PKIG: variants seen among roughly 807,000 people sequenced by gnomAD.
PKIG encodes the protein protein kinase (cAMP-dependent, catalytic) inhibitor gamma.
Under a neutral mutation model 6.8 loss-of-function variants are expected in PKIG, and 1 was observed. The ratio of observed to expected loss-of-function variants is 0.15; its 90% CI spans 0.05 to 0.69. The LOEUF (loss-of-function observed/expected upper bound fraction) is 0.69, where lower values mean the gene tolerates loss of function less well. PKIG is among the 30% of genes least tolerant of loss of function. The pLI is 0.82. For missense variants in PKIG, 77 were observed against 104.0 expected, an observed-to-expected ratio of 0.74 and a Z score of 1.13; for synonymous variants, 39 against 43.0, an observed-to-expected ratio of 0.91 and a Z score of 0.36.
chr20:44,603,005 T>G (rs992260745), intron 2 of PKIG, among the ~76,000 whole-genome samples: 3 of 152,164 alleles, frequency 2.0e-5, no homozygotes. Context: ...GGGCCGCACA[T>G]TCTTTGCTCT....
intron 1 of PKIG, among the ~76,000 whole-genome samples, chr20:44,575,732 A>C (rs1481761259): frequency 6.6e-6 from 1 of 152,162 alleles, no homozygotes; most frequent in Non-Finnish European, 1.5e-5. Flanking sequence ...TAGGCAGTTC[A>C]TTCAATTTAT....
At chr20:44,588,092 C>T (rs73113335) in intron 1 of PKIG, among the ~76,000 whole-genome samples, 1,626 of 152,252 alleles carry the variant, frequency 0.011, 12 homozygotes, top group Non-Finnish European at 0.017. Context: ...CTGTAGAAAG[C>T]CTAAGAGATT....
intron 1 of PKIG, among the ~76,000 whole-genome samples, chr20:44,557,384 G>T (rs1390830097): frequency 6.6e-6 from 1 of 151,856 alleles, no homozygotes; most frequent in African/African-American, 2.4e-5. Context: ...AAAATTAGCT[G>T]GTGTGGTGGC....
At chr20:44,610,873 AT>A (rs1359729348) in intron 2 of PKIG, among the ~76,000 whole-genome samples, 12 of 145,774 alleles carry the variant, frequency 8.2e-5, no homozygotes, top group East Asian at 2.0e-4. Context: ...TTTCTTTATT[AT>A]TTTTTTTTTA....
At chr20:44,583,556 G>T (rs978299818) in intron 1 of PKIG, among the ~76,000 whole-genome samples, 1 of 152,130 alleles carries the variant, frequency 6.6e-6, no homozygotes, top group African/African-American at 2.4e-5. Context: ...AACAGGGGAG[G>T]TGTCCCCTCT....
At chr20:44,541,356 A>G (rs1047111777) in intron 1 of PKIG, among the ~76,000 whole-genome samples, 3 of 152,096 alleles carry the variant, frequency 2.0e-5, no homozygotes, top group African/African-American at 4.8e-5. Flanking sequence ...TGGTGCAACC[A>G]TAGTTCATTG....
chr20:44,563,822 C>T (rs756682250), intron 1 of PKIG, among the ~76,000 whole-genome samples: 3 of 152,128 alleles, frequency 2.0e-5, no homozygotes, highest in Non-Finnish European at 4.4e-5. Context: ...TGAGCCACTG[C>T]ACCTGGCTGT....
intron 1 of PKIG, among the ~76,000 whole-genome samples, chr20:44,547,731 A>G (rs1188994068): frequency 1.3e-5 from 2 of 152,178 alleles, no homozygotes; most frequent in East Asian, 3.8e-4. Flanking sequence ...GGGAATAGTA[A>G]TAACATCTTA....
At chr20:44,558,735 C>T (rs1480279000) in intron 1 of PKIG, among the ~76,000 whole-genome samples, 3 of 144,600 alleles carry the variant, frequency 2.1e-5, no homozygotes, top group African/African-American at 7.7e-5. Context: ...CCTTCCTTCC[C>T]TTCCTTCCTT....
intron 1 of PKIG, among the ~76,000 whole-genome samples, chr20:44,549,820 T>C (rs2064651466): frequency 6.6e-6 from 1 of 152,150 alleles, no homozygotes; most frequent in African/African-American, 2.4e-5. Flanking sequence ...ATGAGATCTT[T>C]TCTCAAAAGA....
chr20:44,563,938 T>C (rs1007344946), intron 1 of PKIG, among the ~76,000 whole-genome samples: 1 of 152,252 alleles, frequency 6.6e-6, no homozygotes, highest in African/African-American at 2.4e-5. Flanking sequence ...TTTATTTTGC[T>C]GATCATGCTT....
chr20:44,600,293 A>G lies in PKIG; in HGVS notation c.-24+10427A>G, dbSNP rs554471294. On this transcript the variant is annotated intron_variant, in intron 2 of 3. Coordinates refer to ENST00000372886, the MANE Select transcript of PKIG (RefSeq NM_001281445.2). ...ATGCAGGGCTTCAGGGACTGGCATCAGGAGAGTGGATTTCACTAGATGTGA... is the reference window on the plus strand; with the variant it reads ...ATGCAGGGCTTCAGGGACTGGCATCGGGAGAGTGGATTTCACTAGATGTGA... Among the ~76,000 whole-genome samples, 4 of 152,346 alleles carry G rather than the reference A, an allele frequency of 2.6e-5. No individual in the cohort carries two copies. In the South Asian group the frequency reaches 8.3e-4, roughly 32 times the overall value.
intron 1 of PKIG, among the ~76,000 whole-genome samples, chr20:44,557,441 G>C (rs1318005257): frequency 6.6e-6 from 1 of 151,176 alleles, no homozygotes; most frequent in African/African-American, 2.4e-5. Context: ...CAGGGGAATT[G>C]CGTGAACCTG....
intron 1 of PKIG, among the ~76,000 whole-genome samples, chr20:44,546,526 A>G (rs2064615295): frequency 6.6e-6 from 1 of 150,700 alleles, no homozygotes. Flanking sequence ...TTCCAGAGAC[A>G]TCTTCTCTAG....
Position 44,614,255 on chromosome 20 carries a change from G to T in PKIG, c.-23-279G>T. 2 of 261,534 alleles carry T rather than the reference G, an allele frequency of 7.6e-6. No individual in the cohort carries two copies. Among genetic ancestry groups the T allele is most frequent in the Non-Finnish European group, 1.5e-5 (2 of 135,176 alleles). The allele number at this position is 261,534 out of a possible 1,614,324, so 16.2% of individuals were successfully genotyped here. A position where few individuals can be genotyped will look rare whatever the true frequency, so the allele number is the denominator to read the frequency against. ...ATGGTGGTATCTGTGCCAGTGCCTG[G>T]CGCATGGTATTAATAAATGTGTGTA... On this transcript the variant is annotated intron_variant, in intron 2 of 3. Coordinates refer to ENST00000372886, the MANE Select transcript of PKIG (RefSeq NM_001281445.2). The surrounding 1 kb of genome is among the most constrained non-coding windows in gnomAD (Gnocchi z 4.6).
At chr20:44,575,925 A>G (rs922251955) in intron 1 of PKIG, among the ~76,000 whole-genome samples, 2 of 152,066 alleles carry the variant, frequency 1.3e-5, no homozygotes, top group African/African-American at 4.8e-5. Context: ...GGGGTCCCAC[A>G]CCATTCCTTG....
upstream of PKIG, among the ~76,000 whole-genome samples, chr20:44,578,111 T>G (rs1016164447): frequency 2.6e-5 from 4 of 151,484 alleles, no homozygotes; most frequent in African/African-American, 4.9e-5. Flanking sequence ...GAGGCCAAGG[T>G]GGGCGGATCA....
chr20:44,602,458 G>A (rs1221184787), intron 2 of PKIG, among the ~76,000 whole-genome samples: 1 of 152,082 alleles, frequency 6.6e-6, no homozygotes, highest in Admixed American at 6.5e-5. Context: ...TTAGTTTCCA[G>A]TATATACCCT....
chr20:44,605,378 G>A (rs916558668), intron 2 of PKIG, among the ~76,000 whole-genome samples: 2 of 136,788 alleles, frequency 1.5e-5, no homozygotes, highest in Admixed American at 7.9e-5. Context: ...CTGCACTCCA[G>A]CCTGGGCGAC....
Sources: allele counts gnomAD v4.1 joint callset (sites outside exome capture counted in the v4.1 genomes callset), GRCh38; gene constraint gnomAD v4.1.1; non-coding constraint Gnocchi (gnomAD v3.1); transcripts MANE v1.5; gene names NCBI Gene and HGNC (gene_info 2026-07-23, HGNC 2026-07-21).